Variants in NFE2L2 observed in about 807,000 individuals in gnomAD.
NFE2L2 encodes the protein NFE2 like bZIP transcription factor 2.
Under a neutral mutation model 49.6 loss-of-function variants are expected in NFE2L2, and 20 were observed. The observed-to-expected ratio is 0.40, with a 90% confidence interval of 0.28 to 0.59. NFE2L2 has a LOEUF of 0.59. Among genes scored for constraint, NFE2L2 ranks in the 20% least tolerant of loss-of-function variants. The probability of loss-of-function intolerance (pLI) is 0.40; values close to 1 mark genes in which losing one functional copy is unlikely to be tolerated. For missense variants in NFE2L2, 578 were observed against 714.2 expected, an observed-to-expected ratio of 0.81 and a Z score of 2.17; for synonymous variants, 244 against 256.5, an observed-to-expected ratio of 0.95 and a Z score of 0.47.
intron 1 of NFE2L2, among the ~76,000 whole-genome samples, chr2:177,240,288 G>A (rs1017385996): frequency 6.6e-6 from 1 of 152,208 alleles, no homozygotes; most frequent in Non-Finnish European, 1.5e-5. Context: ...GAAGGCCACA[G>A]TACAAAGTGT....
chr2:177,248,835 C>T (rs1299943801), intron 1 of NFE2L2, among the ~76,000 whole-genome samples: 3 of 152,164 alleles, frequency 2.0e-5, no homozygotes, highest in Admixed American at 6.5e-5. Context: ...TCCCAGTTCT[C>T]AGCCCTTTCA....
Position 177,231,557 on chromosome 2 carries a change from T to A in NFE2L2, c.1046A>T (p.Asn349Ile). ...TGGTGATGCCACACTGGGACTTGTG[T>A]TTAGTGAAATGCCGGAGTCAGAATC... ...FNDSDSGISL[N>I]TSPSVASPEH... is the part of the protein sequence containing the mutation. Residue 349 changes from asparagine to isoleucine, a missense_variant, in exon 5 of 5, where the codon AAC becomes ATC. Around this residue, in one of 3 missense-constraint regions of NFE2L2, gnomAD observed 368 missense variants for 384.6 expected, o/e 0.96. Transcript: ENST00000397062. 6.2e-7 allele frequency: 1 copy of A among 1,614,172 alleles called. No individual in the cohort carries two copies. Among genetic ancestry groups the A allele is most frequent in the Non-Finnish European group, 8.5e-7 (1 of 1,180,030 alleles).
chr2:177,247,022 A>T lies in NFE2L2; in HGVS notation c.46-12751T>A, dbSNP rs188812542. ...GACTTTTGTTTCTTTTTGCCATTAC[A>T]AATATTGCTATAATGAATATCCTTG... On this transcript the variant is annotated intron_variant, in intron 1 of 4. Transcript: ENST00000397062. Among the ~76,000 whole-genome samples the T allele has an allele frequency of 2.0e-5, 3 of 152,222 alleles. No homozygotes were observed. The East Asian group carries it at 5.8e-4, about 29-fold the overall frequency.
At chr2:177,258,924 T>C (rs1236589701) in intron 1 of NFE2L2, among the ~76,000 whole-genome samples, 4 of 152,240 alleles carry the variant, frequency 2.6e-5, no homozygotes, top group South Asian at 2.1e-4. Context: ...CTATTTAGCA[T>C]TGTCTTAGAA....
intron 1 of NFE2L2, among the ~76,000 whole-genome samples, chr2:177,249,211 G>A (rs925145894): frequency 3.9e-5 from 5 of 127,346 alleles, no homozygotes; most frequent in African/African-American, 1.2e-4. Flanking sequence ...AGCAATACCC[G>A]GTCTCCATAA....
chr2:177,248,789 T>C (rs1429191326), intron 1 of NFE2L2, among the ~76,000 whole-genome samples: 1 of 152,178 alleles, frequency 6.6e-6, no homozygotes, highest in Non-Finnish European at 1.5e-5. Flanking sequence ...TCTGTAAGAC[T>C]GTGCCTTTGC....
chr2:177,256,485 C>T (rs1690527490), intron 1 of NFE2L2, among the ~76,000 whole-genome samples: 1 of 117,664 alleles, frequency 8.5e-6, no homozygotes, highest in South Asian at 2.6e-4. Context: ...CTCTGAATGT[C>T]AGCTACATTC....
Position 177,230,937 on chromosome 2 carries a change from G to T in NFE2L2, c.1666C>A (p.Gln556Lys), listed in dbSNP as rs777361176. Residue 556 changes from glutamine to lysine, a missense_variant, in exon 5 of 5, where the codon CAA becomes AAA. Around this residue, in one of 3 missense-constraint regions of NFE2L2, gnomAD observed 117 missense variants for 175.8 expected, o/e 0.67. Coordinates refer to ENST00000397062, the MANE Select transcript of NFE2L2 (RefSeq NM_006164.5). ...ACTTCGAGATATAAGGTGCTGAGTT[G>T]TTTTTTCAGTAGGTGAAGGCTTTTG... is the stretch of plus-strand genomic sequence containing the variant. ...NDKSLHLLKK[Q>K]LSTLYLEVFS... 5 of 1,612,860 alleles carry T rather than the reference G, an allele frequency of 3.1e-6. No homozygotes were observed. Among genetic ancestry groups the T allele is most frequent in the African/African-American group, 2.7e-5 (2 of 74,826 alleles).
At chr2:177,254,262 A>G (rs13001694) in intron 1 of NFE2L2, among the ~76,000 whole-genome samples, 49,886 of 152,112 alleles carry the variant, frequency 0.33, 8,479 homozygotes, top group Non-Finnish European at 0.37. Flanking sequence ...CTCTACCTGC[A>G]TAAATAAAAT....
intron 1 of NFE2L2, among the ~76,000 whole-genome samples, chr2:177,246,849 C>T (rs1236245371): frequency 7.2e-6 from 1 of 139,718 alleles, no homozygotes; most frequent in South Asian, 2.2e-4. Flanking sequence ...CCTCCGGCTT[C>T]AGCCTCCCAA....
At chr2:177,247,509 A>T (rs143584629) in intron 1 of NFE2L2, among the ~76,000 whole-genome samples, 1 of 151,868 alleles carries the variant, frequency 6.6e-6, no homozygotes, top group Non-Finnish European at 1.5e-5. Context: ...AAAATACAAA[A>T]AATTAGCCGG....
At chr2:177,237,676 G>A (rs1018780231) in intron 1 of NFE2L2, among the ~76,000 whole-genome samples, 2 of 152,092 alleles carry the variant, frequency 1.3e-5, no homozygotes, top group African/African-American at 4.8e-5. Context: ...GTGCCACCAT[G>A]CCCGGCTAAT....
At chr2:177,236,116 C>T (rs1689740931) in intron 1 of NFE2L2, among the ~76,000 whole-genome samples, 1 of 152,252 alleles carries the variant, frequency 6.6e-6, no homozygotes, top group South Asian at 2.1e-4. Flanking sequence ...TTTCATTCTG[C>T]TGACAGCTGG....
At chr2:177,253,921 T>C (rs921022028) in intron 1 of NFE2L2, among the ~76,000 whole-genome samples, 11 of 152,204 alleles carry the variant, frequency 7.2e-5, no homozygotes, top group Non-Finnish European at 1.3e-4. Flanking sequence ...GCTGATTAAG[T>C]GAATTTTCTT....
chr2:177,236,323 T>A (rs1689749613), intron 1 of NFE2L2, among the ~76,000 whole-genome samples: 1 of 152,236 alleles, frequency 6.6e-6, no homozygotes, highest in African/African-American at 2.4e-5. Flanking sequence ...TTAAATGCTA[T>A]GAAACCCTGC....
intron 1 of NFE2L2, chr2:177,264,038 C>T: frequency 3.7e-6 from 3 of 805,944 alleles, no homozygotes; most frequent in Non-Finnish European, 4.5e-6. Context: ...GGTCCCAGCC[C>T]GAAGGCGACC....
intron 1 of NFE2L2, 177 bp downstream of exon 1, chr2:177,264,355 G>T: frequency 1.8e-6 from 1 of 561,816 alleles, no homozygotes; most frequent in South Asian, 2.8e-5. Flanking sequence ...CCGCGTCCCC[G>T]CTGCCCCTCC....
chr2:177,263,658 G>A, intron 1 of NFE2L2: 2 of 985,492 alleles, frequency 2.0e-6, no homozygotes, highest in Non-Finnish European at 2.4e-6. Flanking sequence ...AGCGCCACCA[G>A]GGGGCACCGC....
chr2:177,241,483 C>T (rs1689935295), intron 1 of NFE2L2, among the ~76,000 whole-genome samples: 1 of 152,168 alleles, frequency 6.6e-6, no homozygotes, highest in African/African-American at 2.4e-5. Flanking sequence ...TCATATCCTA[C>T]CATCTGGATG....
Sources: allele counts gnomAD v4.1 joint callset (sites outside exome capture counted in the v4.1 genomes callset), GRCh38; gene constraint gnomAD v4.1.1; regional missense constraint gnomAD v4.1.1; transcripts MANE v1.5; gene names NCBI Gene and HGNC (gene_info 2026-07-23, HGNC 2026-07-21).